SPIDR: variants seen among roughly 807,000 people sequenced by gnomAD.
SPIDR encodes DNA repair-scaffolding protein.
SPIDR carries 93 observed loss-of-function variants against 104.6 expected under a neutral mutation model. The observed-to-expected ratio is 0.89, with a 90% confidence interval of 0.75 to 1.06. SPIDR has a LOEUF of 1.06. Ranked by LOEUF, SPIDR falls within the 50% of genes least tolerant of loss-of-function variation. SPIDR has a pLI of 0.00. For synonymous variants in SPIDR, 431 were observed against 416.9 expected, an observed-to-expected ratio of 1.03 and a Z score of -0.41; for missense variants, 1,154 against 1,111.2, an observed-to-expected ratio of 1.04 and a Z score of -0.55.
chr8:47,713,169 A>T lies in SPIDR; in HGVS notation c.2188+297A>T, dbSNP rs138965077. 1.8e-4 allele frequency: 128 copies of T among 698,438 alleles called. No homozygotes were observed. The East Asian group carries it at 3.7e-3, about 20-fold the overall frequency. The allele number at this position is 698,438 out of a possible 1,614,324, so 43.3% of individuals were successfully genotyped here. On this transcript the variant is annotated intron_variant, in intron 15 of 19. Transcript: ENST00000297423. ...AAGCTAGAATATTATAAATGCGTATACTTAGATCAGCCAGCCCCTTTTTCC... is the reference window on the plus strand; with the variant it reads ...AAGCTAGAATATTATAAATGCGTATTCTTAGATCAGCCAGCCCCTTTTTCC...
intron 10 of SPIDR, among the ~76,000 whole-genome samples, chr8:47,664,337 T>G (rs527445768): frequency 6.6e-6 from 1 of 152,234 alleles, no homozygotes; most frequent in African/African-American, 2.4e-5. Context: ...GAAACTGCAT[T>G]TGGAGAGGTC....
At chr8:47,502,347 C>T (rs2080642498) in intron 8 of SPIDR, among the ~76,000 whole-genome samples, 1 of 152,204 alleles carries the variant, frequency 6.6e-6, no homozygotes, top group South Asian at 2.1e-4. Context: ...AGAGATTCAA[C>T]TTCTTCCTGG....
At chr8:47,269,264 T>A (rs2034756872) in intron 1 of SPIDR, among the ~76,000 whole-genome samples, 6 of 151,022 alleles carry the variant, frequency 4.0e-5, no homozygotes, top group Non-Finnish European at 8.9e-5. Flanking sequence ...GAGACCATCT[T>A]TTTTTCCCCC....
chr8:47,335,076 A>G (rs1554607796), intron 5 of SPIDR, among the ~76,000 whole-genome samples: 1 of 152,216 alleles, frequency 6.6e-6, no homozygotes, highest in Non-Finnish European at 1.5e-5. Flanking sequence ...ACATGTAAGC[A>G]TACATAAATA....
intron 15 of SPIDR, 92 bp downstream of exon 15, chr8:47,712,964 T>C: frequency 6.4e-7 from 1 of 1,561,048 alleles, no homozygotes; most frequent in Non-Finnish European, 8.6e-7. Flanking sequence ...CCTTGTTGCT[T>C]GGACGCTGCC....
intron 8 of SPIDR, among the ~76,000 whole-genome samples, chr8:47,457,493 T>C (rs2073189386): frequency 6.6e-6 from 1 of 152,192 alleles, no homozygotes; most frequent in African/African-American, 2.4e-5. Context: ...ATTCTGGATA[T>C]TAGTACTTTG....
intron 7 of SPIDR, among the ~76,000 whole-genome samples, chr8:47,429,513 T>G (rs1431012881): frequency 1.3e-5 from 2 of 152,242 alleles, no homozygotes; most frequent in East Asian, 3.8e-4. Context: ...TTAATACAGT[T>G]AATTCCCCAA....
chr8:47,537,615 C>T (rs1187291929), intron 8 of SPIDR, among the ~76,000 whole-genome samples: 1 of 152,128 alleles, frequency 6.6e-6, no homozygotes, highest in East Asian at 1.9e-4. Flanking sequence ...CTGTATGATA[C>T]TGTAATGGTG....
At chr8:47,573,573 G>A (rs1322685769) in intron 8 of SPIDR, among the ~76,000 whole-genome samples, 6 of 152,214 alleles carry the variant, frequency 3.9e-5, no homozygotes, top group Non-Finnish European at 8.8e-5. Context: ...TCAGCCTGGA[G>A]GAAGGTGACA....
At chr8:47,488,005 C>A (rs2077990245) in intron 8 of SPIDR, among the ~76,000 whole-genome samples, 1 of 152,066 alleles carries the variant, frequency 6.6e-6, no homozygotes, top group Admixed American at 6.6e-5. Context: ...TAACTAAGAT[C>A]AGAGCAGAAC....
chr8:47,614,412 C>CG (rs1419783616), intron 10 of SPIDR, among the ~76,000 whole-genome samples: 2 of 152,024 alleles, frequency 1.3e-5, no homozygotes. Flanking sequence ...TTAGTGGAGA[C>CG]GGGGTTTCAC....
chr8:47,681,982 G>A (rs2077148942), intron 11 of SPIDR, among the ~76,000 whole-genome samples: 2 of 151,736 alleles, frequency 1.3e-5, no homozygotes, highest in Admixed American at 1.3e-4. Context: ...AATTAAGGAG[G>A]GAAAAAAGGA....
chr8:47,651,638 AC>A (rs762517841), intron 10 of SPIDR, among the ~76,000 whole-genome samples: 10 of 152,286 alleles, frequency 6.6e-5, no homozygotes, highest in Non-Finnish European at 1.5e-4. Flanking sequence ...ATAAAAAAAG[AC>A]ACCTATACAC....
chr8:47,462,421 G>A (rs1256038324), intron 8 of SPIDR, among the ~76,000 whole-genome samples: 7 of 152,074 alleles, frequency 4.6e-5, no homozygotes, highest in East Asian at 3.9e-4. Context: ...TTCATGATGC[G>A]AGTCTCTGTG....
chr8:47,622,830 C>A (rs1259522345), intron 10 of SPIDR, among the ~76,000 whole-genome samples: 2 of 152,122 alleles, frequency 1.3e-5, no homozygotes, highest in African/African-American at 4.8e-5. Context: ...TTAGGTCAAG[C>A]CCATAATATG....
intron 8 of SPIDR, among the ~76,000 whole-genome samples, chr8:47,503,938 TC>T (rs2154372689): frequency 6.6e-6 from 1 of 152,348 alleles, no homozygotes; most frequent in South Asian, 2.1e-4. Flanking sequence ...AAAATTCTTT[TC>T]TTTAAGAATG....
chr8:47,366,624 G>T (rs1554634720), intron 5 of SPIDR, among the ~76,000 whole-genome samples: 1 of 152,216 alleles, frequency 6.6e-6, no homozygotes, highest in South Asian at 2.1e-4. Flanking sequence ...ATAATCCCTC[G>T]AAAGTGGAGA....
intron 8 of SPIDR, among the ~76,000 whole-genome samples, chr8:47,514,356 C>T (rs1167394020): frequency 6.6e-6 from 1 of 152,202 alleles, no homozygotes; most frequent in African/African-American, 2.4e-5. Context: ...ATGCACTTGT[C>T]TATCAATTCT....
intron 14 of SPIDR, among the ~76,000 whole-genome samples, chr8:47,705,641 C>T (rs987911231): frequency 6.6e-6 from 1 of 152,200 alleles, no homozygotes; most frequent in African/African-American, 2.4e-5. Flanking sequence ...TGGTGGCTCA[C>T]GCCTGTCATC....
Sources: allele counts gnomAD v4.1 joint callset (sites outside exome capture counted in the v4.1 genomes callset), GRCh38; gene constraint gnomAD v4.1.1; transcripts MANE v1.5; gene names NCBI Gene and HGNC (gene_info 2026-07-23, HGNC 2026-07-21).